MAP3K20: variants seen among roughly 807,000 people sequenced by gnomAD.
MAP3K20 encodes the protein HCCS-4.
MAP3K20 carries 40 observed loss-of-function variants against 85.7 expected under a neutral mutation model. That is an observed-to-expected ratio of 0.47 (90% confidence interval 0.36 to 0.61). MAP3K20 has a LOEUF of 0.61. MAP3K20 is among the 20% of genes least tolerant of loss of function. The pLI is 0.00. For missense variants in MAP3K20, 817 were observed against 961.7 expected, an observed-to-expected ratio of 0.85 and a Z score of 1.99; for synonymous variants, 325 against 327.7, an observed-to-expected ratio of 0.99 and a Z score of 0.09.
intron 7 of MAP3K20, among the ~76,000 whole-genome samples, chr2:173,193,405 C>T (rs941007598): frequency 6.6e-6 from 1 of 151,996 alleles, no homozygotes; most frequent in African/African-American, 2.4e-5. Flanking sequence ...CACAACTATA[C>T]ATACATTGAA....
In MAP3K20 at chr2:173,118,867, G is replaced by A. The variant is rs140783172; in HGVS notation, c.159+27677G>A. On this transcript the variant is annotated intron_variant, in intron 2 of 19. Transcript: ENST00000375213. The stretch of plus-strand genomic sequence containing the variant: ...AAATGTTATCAAATTAATGGTTCTA[G>A]AAGTAGCTATAATTAAGTTTTAGAA... Among the ~76,000 whole-genome samples the A allele has an allele frequency of 2.3e-3, 348 of 152,148 alleles. 1 individual carries two copies. The highest frequency in any genetic ancestry group is 3.3e-3 in the Non-Finnish European group (224 of 67,968).
intron 5 of MAP3K20, 124 bp from the exon 6 acceptor site, chr2:173,190,771 C>T: frequency 1.1e-6 from 1 of 937,278 alleles, no homozygotes; most frequent in Non-Finnish European, 1.6e-6. Flanking sequence ...GCTGTAAATA[C>T]ATTGATTTCA....
intron 3 of MAP3K20, among the ~76,000 whole-genome samples, chr2:173,174,481 G>C (rs1169793994): frequency 6.6e-6 from 1 of 152,146 alleles, no homozygotes; most frequent in Non-Finnish European, 1.5e-5. Flanking sequence ...TCCTGTGTTA[G>C]TTTGCTGAGA....
chr2:173,120,378 G>A (rs183304746), intron 2 of MAP3K20, among the ~76,000 whole-genome samples: 53 of 151,992 alleles, frequency 3.5e-4, no homozygotes, highest in Non-Finnish European at 5.7e-4. Flanking sequence ...GTCACCCCAT[G>A]AACCCCCTGG....
intron 14 of MAP3K20, among the ~76,000 whole-genome samples, chr2:173,234,482 G>A (rs1472486922): frequency 6.6e-6 from 1 of 152,190 alleles, no homozygotes; most frequent in Non-Finnish European, 1.5e-5. Flanking sequence ...CAACTGGGAG[G>A]AAAGGACCAA....
intron 1 of MAP3K20, among the ~76,000 whole-genome samples, chr2:173,080,698 T>C (rs140878550): frequency 6.6e-6 from 1 of 152,318 alleles, no homozygotes; most frequent in East Asian, 1.9e-4. Flanking sequence ...AGCACTCAGC[T>C]CTTCCAGCTA....
At chr2:173,221,762 G>C (rs930847223) in intron 11 of MAP3K20, 1 of 1,220,630 alleles carries the variant, frequency 8.2e-7, no homozygotes, top group Non-Finnish European at 1.0e-6. Context: ...CAAATGTGGT[G>C]CCTGATTATA....
intron 19 of MAP3K20, among the ~76,000 whole-genome samples, chr2:173,264,837 G>T (rs894850073): frequency 6.6e-6 from 1 of 152,098 alleles, no homozygotes; most frequent in Non-Finnish European, 1.5e-5. Context: ...AACAAGTGGC[G>T]GTCAGGGGGC....
intron 2 of MAP3K20, among the ~76,000 whole-genome samples, chr2:173,117,245 T>C (rs1470756431): frequency 6.6e-6 from 1 of 152,220 alleles, no homozygotes; most frequent in Non-Finnish European, 1.5e-5. Flanking sequence ...GTTTCTTTTT[T>C]GAAGCAGGGA....
chr2:173,182,274 G>T (rs974532842), intron 3 of MAP3K20, among the ~76,000 whole-genome samples: 7 of 152,142 alleles, frequency 4.6e-5, no homozygotes, highest in African/African-American at 1.7e-4. Context: ...TGATGGAAAG[G>T]TTCTAAGACT....
At chr2:173,116,664 G>A (rs1281011639) in intron 2 of MAP3K20, among the ~76,000 whole-genome samples, 2 of 152,256 alleles carry the variant, frequency 1.3e-5, no homozygotes, top group East Asian at 3.9e-4. Context: ...TCTGCATCCT[G>A]CTTCTAACCA....
chr2:173,162,820 G>A (rs1313791712), intron 2 of MAP3K20, among the ~76,000 whole-genome samples: 1 of 152,112 alleles, frequency 6.6e-6, no homozygotes, highest in Admixed American at 6.5e-5. Context: ...AGTGTACCTT[G>A]TGTCAGTGCC....
chr2:173,217,082 A>C, intron 10 of MAP3K20, 33 bp from the exon 11 acceptor site: 2 of 1,438,818 alleles, frequency 1.4e-6, no homozygotes, highest in South Asian at 1.7e-5. Context: ...CTCTTAAGTA[A>C]AGTTGAGACT....
At chr2:173,174,655 C>T (rs551820060) in intron 3 of MAP3K20, among the ~76,000 whole-genome samples, 7 of 152,118 alleles carry the variant, frequency 4.6e-5, no homozygotes, top group South Asian at 4.2e-4. Flanking sequence ...TGAATAGTGC[C>T]ACAATAAACA....
chr2:173,208,004 T>C (rs1232249281), intron 9 of MAP3K20, among the ~76,000 whole-genome samples: 1 of 152,212 alleles, frequency 6.6e-6, no homozygotes, highest in African/African-American at 2.4e-5. Flanking sequence ...AATGATTAAA[T>C]GTAGGGAAAT....
chr2:173,123,982 A>G (rs1688370817), intron 2 of MAP3K20, among the ~76,000 whole-genome samples: 1 of 152,182 alleles, frequency 6.6e-6, no homozygotes, highest in Admixed American at 6.5e-5. Flanking sequence ...TTACTGCCAT[A>G]GCAGTCAAGG....
At chr2:173,171,325 G>A (rs554655870) in intron 3 of MAP3K20, among the ~76,000 whole-genome samples, 12 of 152,084 alleles carry the variant, frequency 7.9e-5, no homozygotes, top group Non-Finnish European at 1.8e-4. Context: ...TCTGATCCTC[G>A]TTTGTGGCTG....
rs1022011684 is a variant in MAP3K20 at position 173,222,970 on chromosome 2, CA to C, written c.987+5724del. On this transcript the variant is annotated intron_variant, in intron 11 of 19. Coordinates refer to ENST00000375213, the MANE Select transcript of MAP3K20 (RefSeq NM_016653.3). ...GAGTGTCATTATTTGACTGTTAAAC[CA>C]AAATATTTTTGGTGGGTCTTTTTAT... The C allele has an allele frequency of 1.2e-5, 12 of 985,144 alleles. No homozygotes were observed. In the Admixed American group the frequency reaches 5.5e-4, roughly 45 times the overall value. The allele number at this position is 985,144 out of a possible 1,614,324, so 61.0% of individuals were successfully genotyped here.
chr2:173,214,868 A>G lies in MAP3K20; in HGVS notation c.852-2247A>G, dbSNP rs61605326. On this transcript the variant is annotated intron_variant, in intron 10 of 19. Transcript: ENST00000375213. ...AATGCACCAAAAAAACCAAGGGAGCAGCTGTTTTTTTTGTCATCTCCAGGT... is the reference window on the plus strand; with the variant it reads ...AATGCACCAAAAAAACCAAGGGAGCGGCTGTTTTTTTTGTCATCTCCAGGT... 2.5e-3 allele frequency among the ~76,000 whole-genome samples: 382 copies of G among 152,326 alleles called. 3 individuals are homozygous for G. The highest frequency in any genetic ancestry group is 8.9e-3 in the African/African-American group (368 of 41,572).
Sources: allele counts gnomAD v4.1 joint callset (sites outside exome capture counted in the v4.1 genomes callset), GRCh38; gene constraint gnomAD v4.1.1; transcripts MANE v1.5; gene names NCBI Gene and HGNC (gene_info 2026-07-23, HGNC 2026-07-21).